The following PLD1 variants were observed in gnomAD, a reference collection of about 807,000 sequenced individuals.
The protein encoded by PLD1 is choline phosphatase 1.
In PLD1, 112 loss-of-function variants were observed where a neutral mutation model predicts 137.1. The observed-to-expected ratio is 0.82, with a 90% CI of 0.70 to 0.96. PLD1 has a LOEUF of 0.96. Ranked by LOEUF, PLD1 falls within the 40% of genes least tolerant of loss-of-function variation. The probability of loss-of-function intolerance (pLI) is 0.00; values close to 1 mark genes in which losing one functional copy is unlikely to be tolerated. For synonymous variants in PLD1, 431 were observed against 454.7 expected, an observed-to-expected ratio of 0.95 and a Z score of 0.66; for missense variants, 1,321 against 1,342.0, an observed-to-expected ratio of 0.98 and a Z score of 0.24.
chr3:171,667,166 T>G (rs1011479676), intron 19 of PLD1, among the ~76,000 whole-genome samples: 1 of 152,144 alleles, frequency 6.6e-6, no homozygotes, highest in African/African-American at 2.4e-5. Context: ...CAAAAGCACT[T>G]TTTATATGTT....
chr3:171,658,859 C>T (rs138229815), intron 21 of PLD1, among the ~76,000 whole-genome samples: 33 of 152,132 alleles, frequency 2.2e-4, no homozygotes, highest in South Asian at 6.2e-4. Context: ...ATATGACATA[C>T]GGTAACAAGA....
chr3:171,755,553 T>C (rs1383656867), intron 1 of PLD1, among the ~76,000 whole-genome samples: 3 of 152,180 alleles, frequency 2.0e-5, no homozygotes, highest in Non-Finnish European at 4.4e-5. Context: ...AAAATTTACA[T>C]GCTAATATTA....
intron 6 of PLD1, among the ~76,000 whole-genome samples, chr3:171,726,890 C>T (rs915934931): frequency 6.6e-6 from 1 of 152,126 alleles, no homozygotes; most frequent in African/African-American, 2.4e-5. Flanking sequence ...TAAGGGTAAG[C>T]AAATATTTTC....
chr3:171,602,701 A>G lies in PLD1; in HGVS notation c.*377T>C, dbSNP rs1407189970. 1 of 224,728 alleles carries G rather than the reference A, an allele frequency of 4.4e-6. No homozygotes were observed. Among genetic ancestry groups the G allele is most frequent in the East Asian group, 1.1e-4 (1 of 9,130 alleles). 13.9% of individuals were successfully genotyped at this position (224,728 alleles called of 1,614,324 possible). A position where few individuals can be genotyped will look rare whatever the true frequency, so the allele number is the denominator to read the frequency against. Reference sequence around the variant, plus strand: ...AGGTCCAGCTAGACATTGGCTGCATAAATGAAGATCAGAGAAGAATAAGGA... The same window carrying G: ...AGGTCCAGCTAGACATTGGCTGCATGAATGAAGATCAGAGAAGAATAAGGA... On this transcript the variant is annotated 3_prime_UTR_variant, in exon 27 of 27. Coordinates refer to ENST00000351298, the MANE Select transcript of PLD1 (RefSeq NM_002662.5).
chr3:171,733,915 A>C (rs1333539182), intron 5 of PLD1, among the ~76,000 whole-genome samples: 3 of 152,162 alleles, frequency 2.0e-5, no homozygotes, highest in Non-Finnish European at 4.4e-5. Context: ...ACAGCTTTTC[A>C]GGAAACAAAG....
Position 171,759,397 on chromosome 3 carries a change from T to G in PLD1, c.-31-21315A>C, listed in dbSNP as rs144672488. Among the ~76,000 whole-genome samples, 737 of 152,340 alleles carry G rather than the reference T, an allele frequency of 4.8e-3. 2 individuals carry two copies. Among genetic ancestry groups the G allele is most frequent in the African/African-American group, 0.017 (710 of 41,586 alleles). ...CTGAAGATACTAATTTTTTTCCTTT[T>G]CATTCAAGAAAGATAATTTTACACT... is the stretch of plus-strand genomic sequence containing the variant. On this transcript the variant is annotated intron_variant, in intron 1 of 26. Transcript: ENST00000351298.
intron 1 of PLD1, among the ~76,000 whole-genome samples, chr3:171,781,213 G>GA (rs1201066737): frequency 7.2e-6 from 1 of 139,224 alleles, no homozygotes; most frequent in Admixed American, 7.4e-5. Flanking sequence ...ATCCAATAGA[G>GA]AAAAAAAATG....
intron 5 of PLD1, among the ~76,000 whole-genome samples, chr3:171,733,731 T>G (rs2108258752): frequency 6.6e-6 from 1 of 152,352 alleles, no homozygotes; most frequent in East Asian, 1.9e-4. Flanking sequence ...CTGTTTAACT[T>G]TCCATATGCT....
At chr3:171,704,473 A>C (rs1716515827) in intron 11 of PLD1, among the ~76,000 whole-genome samples, 2 of 151,412 alleles carry the variant, frequency 1.3e-5, no homozygotes, top group East Asian at 1.9e-4. Flanking sequence ...AAAAAAAAAA[A>C]AAAACCTTAT....
chr3:171,671,441 C>T (rs1033279829), intron 19 of PLD1, among the ~76,000 whole-genome samples: 5 of 152,150 alleles, frequency 3.3e-5, no homozygotes, highest in Admixed American at 2.0e-4. Context: ...GTCGTGATGT[C>T]CCTTTGTCTC....
intron 17 of PLD1, 21 bp downstream of exon 17, chr3:171,677,545 C>T: frequency 6.2e-7 from 1 of 1,610,066 alleles, no homozygotes; most frequent in Non-Finnish European, 8.5e-7. Context: ...ATAACCAGCA[C>T]CCCACCATTA....
At chr3:171,632,171 C>G (rs140723813) in intron 23 of PLD1, among the ~76,000 whole-genome samples, 294 of 152,220 alleles carry the variant, frequency 1.9e-3, no homozygotes, top group Non-Finnish European at 3.0e-3. Flanking sequence ...TAAATCTAAT[C>G]ATGAGAAAAT....
chr3:171,781,710 G>A (rs1578466069), intron 1 of PLD1, among the ~76,000 whole-genome samples: 1 of 152,122 alleles, frequency 6.6e-6, no homozygotes, highest in East Asian at 1.9e-4. Flanking sequence ...ACCAGAACGA[G>A]TAAACATTAA....
Position 171,676,738 on chromosome 3 carries a change from T to C in PLD1, c.2092A>G (p.Ile698Val), listed in dbSNP as rs1349390378. 6.2e-7 allele frequency: 1 copy of C among 1,613,872 alleles called. No individual in the cohort carries two copies. The highest frequency in any genetic ancestry group is 1.1e-5 in the South Asian group (1 of 91,080). The stretch of plus-strand genomic sequence containing the variant: ...ACTTTTGTGAAGTTCCAGCGCTGGA[T>C]GAAGTGACGTGCCACATCACGAGCC... ...KAARDVARHFIQRWNFTKIMK... is the reference protein window; with the variant it reads ...KAARDVARHFVQRWNFTKIMK... Residue 698 changes from isoleucine to valine, a missense_variant, in exon 18 of 27, where the codon ATC (isoleucine) becomes GTC (valine). Transcript: ENST00000351298.
chr3:171,631,907 A>G (rs1734698009), intron 23 of PLD1, among the ~76,000 whole-genome samples: 1 of 152,198 alleles, frequency 6.6e-6, no homozygotes. Context: ...CTATCATGAT[A>G]ATTGATTCAC....
chr3:171,654,701 A>G (rs1737048956), intron 21 of PLD1, among the ~76,000 whole-genome samples: 1 of 152,166 alleles, frequency 6.6e-6, no homozygotes, highest in Non-Finnish European at 1.5e-5. Context: ...TCTGATCGCC[A>G]ATCACATTTG....
At chr3:171,654,151 A>C in intron 21 of PLD1, 1 of 361,816 alleles carries the variant, frequency 2.8e-6, no homozygotes, top group South Asian at 2.0e-5. Context: ...AAATACAAAA[A>C]AATTAGCTGA....
At chr3:171,642,968 T>A in intron 22 of PLD1, 79 bp from the exon 23 acceptor site, 1 of 784,516 alleles carries the variant, frequency 1.3e-6, no homozygotes, top group Non-Finnish European at 2.2e-6. Context: ...GGTTTAATCC[T>A]AACACAAGTA....
chr3:171,782,484 A>G (rs1486713586), intron 1 of PLD1, among the ~76,000 whole-genome samples: 2 of 152,268 alleles, frequency 1.3e-5, no homozygotes, highest in Non-Finnish European at 2.9e-5. Flanking sequence ...GAGTGTACTG[A>G]TGCCTGCAAC....
Sources: gnomAD v4.1 joint callset for allele counts (sites outside exome capture counted in the v4.1 genomes callset) on GRCh38, gnomAD v4.1.1 for gene constraint, MANE v1.5 for transcripts, NCBI Gene and HGNC (gene_info 2026-07-23, HGNC 2026-07-21) for gene names.